MAN1A2: variants seen among roughly 807,000 people sequenced by gnomAD.
MAN1A2 encodes mannosyl-oligosaccharide 1,2-alpha-mannosidase IB.
In MAN1A2, 26 loss-of-function variants were observed where a neutral mutation model predicts 75.7. That is an observed-to-expected ratio of 0.34 (90% CI 0.25 to 0.48). The LOEUF is 0.48. Ranked by LOEUF, MAN1A2 falls within the 20% of genes least tolerant of loss-of-function variation. The pLI is 0.99. For missense variants in MAN1A2, 562 were observed against 775.5 expected (o/e 0.72, Z 3.27); for synonymous variants, 247 against 264.6 (o/e 0.93, Z 0.65).
intron 1 of MAN1A2, among the ~76,000 whole-genome samples, chr1:117,369,558 G>A (rs1042400438): frequency 1.3e-5 from 2 of 152,122 alleles, no homozygotes; most frequent in Non-Finnish European, 2.9e-5. Context: ...ATGAGAACTG[G>A]TTTTTCTTTT....
At position 117,514,103 on chromosome 1, in the gene MAN1A2, C is replaced by T. The variant is rs575138047; in HGVS notation, c.1794-8722C>T. ...ACAGGCTGGGCACAGTGGCTCATGC[C>T]TGTAATCCCAGCACTTTGGGAGGCC... On this transcript the variant is annotated intron_variant, in intron 12 of 12. Coordinates refer to ENST00000356554, the MANE Select transcript of MAN1A2 (RefSeq NM_006699.5). Among the ~76,000 whole-genome samples, 246 of 152,302 alleles carry T rather than the reference C, an allele frequency of 1.6e-3. 1 individual carries two copies. Among genetic ancestry groups the T allele is most frequent in the African/African-American group, 5.6e-3 (233 of 41,578 alleles).
chr1:117,454,568 A>G (rs1187597888), intron 6 of MAN1A2, among the ~76,000 whole-genome samples: 5 of 152,246 alleles, frequency 3.3e-5, no homozygotes, highest in Non-Finnish European at 7.3e-5. Flanking sequence ...CAGGCAAACA[A>G]AAGCTTAGAG....
At chr1:117,397,059 T>G (rs2101747089) in intron 1 of MAN1A2, among the ~76,000 whole-genome samples, 1 of 148,858 alleles carries the variant, frequency 6.7e-6, no homozygotes, top group East Asian at 1.9e-4. Flanking sequence ...AAATGATTCC[T>G]CTTGGAACCC....
At chr1:117,424,513 T>A (rs1648303474) in intron 5 of MAN1A2, among the ~76,000 whole-genome samples, 1 of 152,244 alleles carries the variant, frequency 6.6e-6, no homozygotes, top group Admixed American at 6.5e-5. Context: ...CGAAGATAGT[T>A]CCTGGAAAAA....
chr1:117,385,698 A>C (rs1461648952), intron 1 of MAN1A2, among the ~76,000 whole-genome samples: 2 of 149,654 alleles, frequency 1.3e-5, no homozygotes, highest in Non-Finnish European at 3.0e-5. Flanking sequence ...TCCTGGATAC[A>C]GACAGTAGAC....
At position 117,463,518 on chromosome 1, in the gene MAN1A2, TACACACACAC is replaced by T. The variant is rs10560421; in HGVS notation, c.1075-2805_1075-2796del. 6.0e-5 allele frequency among the ~76,000 whole-genome samples: 9 copies of T among 150,450 alleles called. No homozygotes were observed. In the East Asian group the frequency reaches 1.8e-3, roughly 30 times the overall value. On this transcript the variant is annotated intron_variant, in intron 7 of 12. Transcript: ENST00000356554. Reference sequence around the variant, plus strand: ...ATCCAAGAAGGGAGAAACACACACATACACACACACACACACACACGAGGAACTCAAGGAG... The same window carrying T: ...ATCCAAGAAGGGAGAAACACACACATACACACACACGAGGAACTCAAGGAG...
chr1:117,422,212 A>G (rs1032576271), intron 5 of MAN1A2, among the ~76,000 whole-genome samples: 5 of 152,038 alleles, frequency 3.3e-5, no homozygotes, highest in South Asian at 4.1e-4. Context: ...ACCCTATCCC[A>G]TTGCCAGCCC....
intron 4 of MAN1A2, among the ~76,000 whole-genome samples, 176 bp from the exon 5 acceptor site, chr1:117,420,393 T>G (rs570854913): frequency 2.0e-5 from 3 of 152,108 alleles, no homozygotes; most frequent in Admixed American, 6.6e-5. Context: ...AGTAGAGAAG[T>G]TTCAGTAACA....
In MAN1A2 at chr1:117,523,236, T is replaced by C. The variant is rs1291263764; in HGVS notation, c.*279T>C. On this transcript the variant is annotated 3_prime_UTR_variant, in exon 13 of 13. Coordinates refer to ENST00000356554, the MANE Select transcript of MAN1A2 (RefSeq NM_006699.5). ...CATGAGAAATGATACCTGTTACTAC[T>C]GTATTGTTTTTAGAGTCCTGAAGTC... The C allele has an allele frequency of 7.2e-6, 4 of 553,924 alleles. No individual in the cohort carries two copies. Among genetic ancestry groups the C allele is most frequent in the Non-Finnish European group, 1.4e-5 (4 of 281,008 alleles). 34.3% of individuals were successfully genotyped at this position (553,924 alleles called of 1,614,324 possible).
chr1:117,489,532 C>G (rs1188173997), intron 8 of MAN1A2, among the ~76,000 whole-genome samples: 1 of 151,870 alleles, frequency 6.6e-6, no homozygotes, highest in Admixed American at 6.6e-5. Context: ...TGTCAGGAGT[C>G]GTCGTTTATG....
In MAN1A2 at chr1:117,381,680, T is replaced by C. The variant is rs543599616; in HGVS notation, c.302+13195T>C. Among the ~76,000 whole-genome samples the C allele has an allele frequency of 5.7e-4, 87 of 152,224 alleles. 1 individual carries two copies. Among genetic ancestry groups the C allele is most frequent in the African/African-American group, 6.7e-4 (28 of 41,560 alleles). Reference sequence around the variant, plus strand: ...TGTGTCTTTATAGCAGCATGATTTATAGTCCTTTGGGTATATACCCAGTAA... The same window carrying C: ...TGTGTCTTTATAGCAGCATGATTTACAGTCCTTTGGGTATATACCCAGTAA... On this transcript the variant is annotated intron_variant, in intron 1 of 12. Transcript: ENST00000356554.
intron 8 of MAN1A2, among the ~76,000 whole-genome samples, chr1:117,481,402 A>G (rs1418173410): frequency 6.6e-6 from 1 of 151,874 alleles, no homozygotes; most frequent in Non-Finnish European, 1.5e-5. Context: ...TCTGCTCCCC[A>G]TCACTTCACT....
intron 1 of MAN1A2, among the ~76,000 whole-genome samples, chr1:117,397,110 G>GTT (rs1344539357): frequency 6.6e-6 from 1 of 152,088 alleles, no homozygotes; most frequent in African/African-American, 2.4e-5. Flanking sequence ...GAACTCTGGA[G>GTT]TTTCTCTTAG....
intron 12 of MAN1A2, 51 bp from the exon 13 acceptor site, chr1:117,522,774 T>C (rs376199167): frequency 6.4e-7 from 1 of 1,558,142 alleles, no homozygotes; most frequent in African/African-American, 1.4e-5. Context: ...GCTCACTTCA[T>C]GTTCTTGTTG....
chr1:117,462,628 C>T lies in MAN1A2; in HGVS notation c.1074+2016C>T, dbSNP rs577839905. On this transcript the variant is annotated intron_variant, in intron 7 of 12. Coordinates refer to ENST00000356554, the MANE Select transcript of MAN1A2 (RefSeq NM_006699.5). Reference sequence around the variant, plus strand: ...AGTTTTGAAAGGAAATGTGTTGACACGAGTAAAGCTTCTAGAAGCTGTCTG... The same window carrying T: ...AGTTTTGAAAGGAAATGTGTTGACATGAGTAAAGCTTCTAGAAGCTGTCTG... Among the ~76,000 whole-genome samples, 9 of 152,188 alleles carry T rather than the reference C, an allele frequency of 5.9e-5. No individual in the cohort carries two copies. In the East Asian group the frequency reaches 1.2e-3, roughly 20 times the overall value.
chr1:117,415,362 A>G (rs1301614095), intron 4 of MAN1A2, among the ~76,000 whole-genome samples: 1 of 152,108 alleles, frequency 6.6e-6, no homozygotes, highest in East Asian at 1.9e-4. Context: ...GTTTTGTCAT[A>G]TTCACATCTT....
At chr1:117,401,695 A>G (rs1477702915) in intron 1 of MAN1A2, among the ~76,000 whole-genome samples, 1 of 152,182 alleles carries the variant, frequency 6.6e-6, no homozygotes, top group African/African-American at 2.4e-5. Flanking sequence ...TCATGCCCAC[A>G]TCTGTTGGGA....
At position 117,502,906 on chromosome 1, in the gene MAN1A2, G is replaced by A. The variant is rs1485859400; in HGVS notation, c.1729G>A (p.Val577Ile). The A allele has an allele frequency of 1.2e-6, 2 of 1,608,282 alleles. No individual in the cohort carries two copies. The highest frequency in any genetic ancestry group is 1.7e-5 in the Admixed American group (1 of 59,490). ...TGGTGGGTTTTCTGGAGTCAAAGAT[G>A]TATATTCCTCTACTCCTACACATGA... ...VNGGFSGVKD[V>I]YSSTPTHDDV... Residue 577 changes from valine (V) to isoleucine (I), a missense_variant, in exon 12 of 13, where the codon GTA becomes ATA. This residue lies in a region of MAN1A2 where 434 missense variants were observed against 645.7 expected (regional missense o/e 0.67). Transcript: ENST00000356554.
rs546155779 is a variant in MAN1A2, at chr1:117,434,547, A to T, written c.856-7684A>T. ...AAGGGTATACTCAAAAGGATGTTTA[A>T]TTGCAGTACCGTTTGTAGTAGAAAA... is the stretch of plus-strand genomic sequence containing the variant. On this transcript the variant is annotated intron_variant, in intron 5 of 12. Coordinates refer to ENST00000356554, the MANE Select transcript of MAN1A2 (RefSeq NM_006699.5). Among the ~76,000 whole-genome samples the T allele has an allele frequency of 2.0e-5, 3 of 152,300 alleles. No homozygotes were observed. In the South Asian group the frequency reaches 6.2e-4, roughly 32 times the overall value.
Sources: allele counts gnomAD v4.1 joint callset (sites outside exome capture counted in the v4.1 genomes callset), GRCh38; gene constraint gnomAD v4.1.1; regional missense constraint gnomAD v4.1.1; transcripts MANE v1.5; gene names NCBI Gene and HGNC (gene_info 2026-07-23, HGNC 2026-07-21).